The following VWA3B variants were observed in gnomAD, a reference collection of about 807,000 sequenced individuals.
The protein encoded by VWA3B is von Willebrand factor A domain-containing protein 3B.
In VWA3B, 138 loss-of-function variants were observed where a neutral mutation model predicts 158.3. The observed-to-expected ratio is 0.87, with a 90% CI of 0.76 to 1.00. VWA3B has a LOEUF of 1.00. VWA3B is among the 50% of genes least tolerant of loss of function. VWA3B has a pLI of 0.00. For synonymous variants in VWA3B, 596 were observed against 587.3 expected (o/e 1.01, Z -0.21); for missense variants, 1,555 against 1,565.1 (o/e 0.99, Z 0.11).
At chr2:98,157,405 C>G (rs932353000) in intron 7 of VWA3B, among the ~76,000 whole-genome samples, 2 of 152,150 alleles carry the variant, frequency 1.3e-5, no homozygotes, top group African/African-American at 2.4e-5. Flanking sequence ...TGTTTAATTA[C>G]TTCTCAACAA....
At chr2:98,211,532 A>G (rs145995760) in intron 12 of VWA3B, among the ~76,000 whole-genome samples, 16 of 152,350 alleles carry the variant, frequency 1.1e-4, no homozygotes, top group African/African-American at 3.6e-4. Context: ...TTTACCAAAT[A>G]TTGGGTATCA....
Position 98,297,942 on chromosome 2 carries a change from C to G in VWA3B, c.3193C>G (p.Leu1065Val). 1 of 1,584,766 alleles carries G rather than the reference C, an allele frequency of 6.3e-7. No homozygotes were observed. The highest frequency in any genetic ancestry group is 8.6e-7 in the Non-Finnish European group (1 of 1,165,258). Residue 1065 changes from leucine to valine, a missense_variant, in exon 24 of 28, where the codon CTG (leucine) becomes GTG (valine). Transcript: ENST00000477737. ...VKKCVSRTQA[L>V]VGFSYGDTKV... ...GAAGTGTGTGAGCCGCACCCAAGCACTGGTGGGCTTCAGTTACGGAGACAC... is the reference window on the plus strand; with the variant it reads ...GAAGTGTGTGAGCCGCACCCAAGCAGTGGTGGGCTTCAGTTACGGAGACAC...
At chr2:98,094,746 A>G (rs150299325) in intron 2 of VWA3B, among the ~76,000 whole-genome samples, 16 of 152,080 alleles carry the variant, frequency 1.1e-4, no homozygotes, top group African/African-American at 3.9e-4. Context: ...GTAGTTTCAT[A>G]TTTTCAGATC....
intron 16 of VWA3B, among the ~76,000 whole-genome samples, 174 bp from the exon 17 acceptor site, chr2:98,234,474 G>T (rs896019745): frequency 6.6e-6 from 1 of 152,210 alleles, no homozygotes; most frequent in Non-Finnish European, 1.5e-5. Flanking sequence ...CTGAAATTCA[G>T]ATAAAGGGAG....
At chr2:98,179,806 C>CTT (rs1428500220) in intron 8 of VWA3B, among the ~76,000 whole-genome samples, 2 of 117,576 alleles carry the variant, frequency 1.7e-5, no homozygotes, top group African/African-American at 6.7e-5. Flanking sequence ...TTCTTTCTTT[C>CTT]TTTCTTTCTT....
chr2:98,105,774 T>TC (rs1673595563), intron 2 of VWA3B, among the ~76,000 whole-genome samples: 1 of 152,042 alleles, frequency 6.6e-6, no homozygotes, highest in Non-Finnish European at 1.5e-5. Flanking sequence ...ATTTTTTTTT[T>TC]ACTATGGGTG....
rs757336077 is a variant in VWA3B at position 98,270,787 on chromosome 2, GGAA to G, written c.2950_2952del (p.Glu984del). On this transcript the variant is annotated inframe_deletion, in exon 22 of 28. Transcript: ENST00000477737. ...TTTCACTGAAAGAGCTGTCGATGCT[GGAA>G]AGTGAAATCCTAGCTGGGAAAATGT... is the stretch of plus-strand genomic sequence containing the variant. 2 of 1,614,118 alleles carry G rather than the reference GGAA, an allele frequency of 1.2e-6. No individual in the cohort carries two copies. Among genetic ancestry groups the G allele is most frequent in the Non-Finnish European group, 1.7e-6 (2 of 1,179,980 alleles).
At chr2:98,306,195 GC>G (rs146168435) in intron 26 of VWA3B, among the ~76,000 whole-genome samples, 6,051 of 151,800 alleles carry the variant, frequency 0.04, 140 homozygotes, top group African/African-American at 0.057. Flanking sequence ...CAGCACCCTA[GC>G]CCCCCCAGGT....
At chr2:98,243,488 C>T (rs1007825729) in intron 19 of VWA3B, among the ~76,000 whole-genome samples, 1 of 152,074 alleles carries the variant, frequency 6.6e-6, no homozygotes, top group African/African-American at 2.4e-5. Flanking sequence ...CACGCACCAC[C>T]ATGCCTGACT....
At chr2:98,306,336 G>T (rs1325285601) in intron 26 of VWA3B, among the ~76,000 whole-genome samples, 2 of 152,014 alleles carry the variant, frequency 1.3e-5, no homozygotes, top group Non-Finnish European at 2.9e-5. Flanking sequence ...CAGTTGCCAG[G>T]GTCCAGCTCA....
intron 13 of VWA3B, among the ~76,000 whole-genome samples, chr2:98,212,394 T>C (rs1271550833): frequency 1.3e-5 from 2 of 152,228 alleles, no homozygotes; most frequent in African/African-American, 2.4e-5. Context: ...GAATCTAACA[T>C]GTCACTGCAT....
Position 98,133,839 on chromosome 2 carries a change from C to G in VWA3B, c.888C>G (p.Ala296=), listed in dbSNP as rs765758842. Residue 296 remains alanine, a synonymous_variant, in exon 7 of 28, where the codon GCC becomes GCG. Coordinates refer to ENST00000477737, the MANE Select transcript of VWA3B (RefSeq NM_144992.5). ...CACGTTTCAGATTCCACGCATTTGC[C>G]GAGAGAACAGAGTGTGTAGAATTTC... ...AKTHSRFHAF[A]ERTECVEFPA... 6.2e-7 allele frequency: 1 copy of G among 1,613,938 alleles called. No homozygotes were observed. Among genetic ancestry groups the G allele is most frequent in the Admixed American group, 1.7e-5 (1 of 60,014 alleles).
chr2:98,237,055 AG>A (rs1489316753), intron 19 of VWA3B, among the ~76,000 whole-genome samples: 1 of 152,218 alleles, frequency 6.6e-6, no homozygotes, highest in Non-Finnish European at 1.5e-5. Flanking sequence ...ATGCACCTGT[AG>A]CCCCAGCTAC....
chr2:98,196,555 G>A (rs533814431), intron 12 of VWA3B, among the ~76,000 whole-genome samples: 30 of 152,282 alleles, frequency 2.0e-4, no homozygotes, highest in Middle Eastern at 3.4e-3. Context: ...AAGCATAGGC[G>A]TTCCTAAGGC....
intron 19 of VWA3B, among the ~76,000 whole-genome samples, chr2:98,245,756 T>C (rs1686352993): frequency 6.6e-6 from 1 of 152,192 alleles, no homozygotes; most frequent in African/African-American, 2.4e-5. Flanking sequence ...TCTAACGGGG[T>C]ATTTTTTCCA....
intron 2 of VWA3B, among the ~76,000 whole-genome samples, chr2:98,098,488 T>G (rs1682865784): frequency 6.6e-6 from 1 of 152,142 alleles, no homozygotes; most frequent in South Asian, 2.1e-4. Flanking sequence ...CTTTTTACAG[T>G]GTTTGACTTA....
intron 14 of VWA3B, among the ~76,000 whole-genome samples, chr2:98,225,480 C>G (rs1361521382): frequency 6.6e-6 from 1 of 152,152 alleles, no homozygotes; most frequent in Non-Finnish European, 1.5e-5. Flanking sequence ...TCAATACCTA[C>G]AGCTAAAGTC....
intron 21 of VWA3B, among the ~76,000 whole-genome samples, chr2:98,270,408 T>G (rs1688123846): frequency 6.6e-6 from 1 of 152,226 alleles, no homozygotes; most frequent in Non-Finnish European, 1.5e-5. Context: ...GTATCATACT[T>G]CTTTAAAATC....
In VWA3B at chr2:98,117,590, G is replaced by A. The variant is rs1674628198; in HGVS notation, c.291+1844G>A. Among the ~76,000 whole-genome samples, 3 of 152,244 alleles carry A rather than the reference G, an allele frequency of 2.0e-5. No individual in the cohort carries two copies. In the South Asian group the frequency reaches 6.2e-4, roughly 32 times the overall value. On this transcript the variant is annotated intron_variant, in intron 3 of 27. Coordinates refer to ENST00000477737, the MANE Select transcript of VWA3B (RefSeq NM_144992.5). ...ATGGGTGAAAATACCCTGGTGGGGT[G>A]TTGGGGCTGCCCAGGAAACAGCAGA...
Sources: allele counts gnomAD v4.1 joint callset (sites outside exome capture counted in the v4.1 genomes callset), GRCh38; gene constraint gnomAD v4.1.1; transcripts MANE v1.5; gene names NCBI Gene and HGNC (gene_info 2026-07-23, HGNC 2026-07-21).